The following B4GALNT1 variants were observed in gnomAD, a reference collection of about 807,000 sequenced individuals.
B4GALNT1 encodes beta-1,4 N-acetylgalactosaminyltransferase 1.
In B4GALNT1, 43 loss-of-function variants were observed where a neutral mutation model predicts 55.2. The ratio of observed to expected loss-of-function variants is 0.78; its 90% CI spans 0.61 to 1.00. B4GALNT1 has a LOEUF of 1.00. B4GALNT1 is among the 50% of genes least tolerant of loss of function. The pLI, the probability that B4GALNT1 is intolerant of heterozygous loss-of-function variation, is 0.00. For synonymous variants in B4GALNT1, 305 were observed against 311.6 expected (o/e 0.98, Z 0.22); for missense variants, 664 against 729.7 (o/e 0.91, Z 1.04).
Position 57,623,961 on chromosome 12 carries a change from T to A in B4GALNT1, c.*2783A>T. ...GCATGGCTGGGAGGGGTAGCTGTATTCCAGGACATCGAGGTAGTCAGCCCA... is the reference window on the plus strand; with the variant it reads ...GCATGGCTGGGAGGGGTAGCTGTATACCAGGACATCGAGGTAGTCAGCCCA... On this transcript the variant is annotated 3_prime_UTR_variant, in exon 11 of 11. Coordinates refer to ENST00000341156, the MANE Select transcript of B4GALNT1 (RefSeq NM_001478.5). The A allele has an allele frequency of 1.9e-6, 3 of 1,613,130 alleles. No homozygotes were observed. The highest frequency in any genetic ancestry group is 2.5e-6 in the Non-Finnish European group (3 of 1,179,460).
rs1175255172 is a variant in B4GALNT1 at position 57,631,235 on chromosome 12, G to C, written c.348C>G (p.Ala116=). Residue 116 remains alanine, a synonymous_variant, in exon 3 of 11, where the codon GCC becomes GCG. Coordinates refer to ENST00000341156, the MANE Select transcript of B4GALNT1 (RefSeq NM_001478.5). ...AGGCCTGGAACTCCTGCTCTCTTGT[G>C]GCAGAGGCAGCCCTCAGCTCTGCAG... The part of the protein sequence containing the change: ...FDPAELRAAS[A]TREQEFQAFL... 1 of 1,614,036 alleles carries C rather than the reference G, an allele frequency of 6.2e-7. No individual in the cohort carries two copies.
chr12:57,624,763 G>A lies in B4GALNT1; in HGVS notation c.*1981C>T, dbSNP rs761431749. ...CACTTGGACAGGCTGAGGGGACAGA[G>A]CTCTACAGACCACTCAGAGGAAGCC... On this transcript the variant is annotated 3_prime_UTR_variant, in exon 11 of 11. Coordinates refer to ENST00000341156, the MANE Select transcript of B4GALNT1 (RefSeq NM_001478.5). 2.3e-5 allele frequency: 24 copies of A among 1,042,654 alleles called. No homozygotes were observed. Among genetic ancestry groups the A allele is most frequent in the Non-Finnish European group, 3.6e-5 (24 of 658,980 alleles). The allele number at this position is 1,042,654 out of a possible 1,614,324, so 64.6% of individuals were successfully genotyped here.
At position 57,630,858 on chromosome 12, in the gene B4GALNT1, GT is replaced by G. The variant is rs1885156311; in HGVS notation, c.490+121del. 2.3e-5 allele frequency: 23 copies of G among 979,674 alleles called. No individual in the cohort carries two copies. The South Asian group carries it at 3.3e-4, about 14-fold the overall frequency. 60.7% of individuals were successfully genotyped at this position (979,674 alleles called of 1,614,324 possible). A position where few individuals can be genotyped will look rare whatever the true frequency, so the allele number is the denominator to read the frequency against. On this transcript the variant is annotated intron_variant, in intron 4 of 10. Coordinates refer to ENST00000341156, the MANE Select transcript of B4GALNT1 (RefSeq NM_001478.5). Reference sequence around the variant, plus strand: ...CTCCTAAGCCGCCGTTTGAGCTTAAGTCCCCCATTCATCAGAGGTTCCCACC... The same window carrying G: ...CTCCTAAGCCGCCGTTTGAGCTTAAGCCCCCATTCATCAGAGGTTCCCACC...
In B4GALNT1 at chr12:57,631,774, A is replaced by AGCCTCCCACTTCC. The variant is rs558937829; in HGVS notation, c.218+128_218+140dup. 1,154 of 892,612 alleles carry AGCCTCCCACTTCC rather than the reference A, an allele frequency of 1.3e-3. 4 individuals carry two copies. The highest frequency in any genetic ancestry group is 2.9e-3 in the South Asian group (100 of 34,012). 55.3% of individuals were successfully genotyped at this position (892,612 alleles called of 1,614,324 possible). On this transcript the variant is annotated intron_variant, in intron 2 of 10. Coordinates refer to ENST00000341156, the MANE Select transcript of B4GALNT1 (RefSeq NM_001478.5). ...GATTTTCCCCAGCCCAAGCCTCAGC[A>AGCCTCCCACTTCC]GCCTCCCACTTCCACCTCCCACTTC...
chr12:57,627,351 C>A (rs2140241623), intron 10 of B4GALNT1, among the ~76,000 whole-genome samples: 1 of 151,742 alleles, frequency 6.6e-6, no homozygotes, highest in African/African-American at 2.4e-5. Flanking sequence ...ATGTAACAAA[C>A]CTGCACGTTG....
At chr12:57,630,750 G>C (rs1443517668) in intron 4 of B4GALNT1, among the ~76,000 whole-genome samples, 1 of 152,182 alleles carries the variant, frequency 6.6e-6, no homozygotes. Flanking sequence ...TGGTTAGTCA[G>C]CAAAGAATAG....
In B4GALNT1 at chr12:57,626,497, C is replaced by A. The variant is rs561084915; in HGVS notation, c.*247G>T. 5.5e-6 allele frequency: 3 copies of A among 543,990 alleles called. No homozygotes were observed. The highest frequency in any genetic ancestry group is 6.3e-5 in the East Asian group (2 of 31,646). The allele number at this position is 543,990 out of a possible 1,614,324, so 33.7% of individuals were successfully genotyped here. The stretch of plus-strand genomic sequence containing the variant: ...CCATTTCCTGCCCCATGAGAATGGG[C>A]AGGGGGAGGACTTGGCACTGGCTGT... On this transcript the variant is annotated 3_prime_UTR_variant, in exon 11 of 11. Coordinates refer to ENST00000341156, the MANE Select transcript of B4GALNT1 (RefSeq NM_001478.5).
At chr12:57,630,899 T>A in intron 4 of B4GALNT1, 81 bp downstream of exon 4, 2 of 1,331,462 alleles carry the variant, frequency 1.5e-6, no homozygotes, top group Admixed American at 3.8e-5. Flanking sequence ...ATTCCAATCA[T>A]CTCCCATTCT....
At chr12:57,627,950 CT>C (rs1309014639) in intron 9 of B4GALNT1, 92 bp from the exon 10 acceptor site, 5 of 1,467,352 alleles carry the variant, frequency 3.4e-6, no homozygotes, top group Non-Finnish European at 2.7e-6. Context: ...GGGGGTACCC[CT>C]GCCCCATCCT....
Position 57,625,107 on chromosome 12 carries a change from C to T in B4GALNT1, c.*1637G>A, listed in dbSNP as rs747691651. ...GCTGTGTTTCGGGAGTGGTGACTGCCCTTCTTTACTTATAGGAGACTTCAA... is the reference window on the plus strand; with the variant it reads ...GCTGTGTTTCGGGAGTGGTGACTGCTCTTCTTTACTTATAGGAGACTTCAA... On this transcript the variant is annotated 3_prime_UTR_variant, in exon 11 of 11. Coordinates refer to ENST00000341156, the MANE Select transcript of B4GALNT1 (RefSeq NM_001478.5). 3 of 1,613,850 alleles carry T rather than the reference C, an allele frequency of 1.9e-6. No individual in the cohort carries two copies. Among genetic ancestry groups the T allele is most frequent in the Admixed American group, 1.7e-5 (1 of 59,988 alleles).
At position 57,625,279 on chromosome 12, in the gene B4GALNT1, C is replaced by T; in HGVS notation, c.*1465G>A. The T allele has an allele frequency of 6.2e-7, 1 of 1,614,114 alleles. No individual in the cohort carries two copies. The highest frequency in any genetic ancestry group is 8.5e-7 in the Non-Finnish European group (1 of 1,180,006). ...TGGTGGTCCTAGACTTCAGTGGTGT[C>T]ACCTTTGCAGATGCTGCTGGGGCCA... is the stretch of plus-strand genomic sequence containing the variant. On this transcript the variant is annotated 3_prime_UTR_variant, in exon 11 of 11. Coordinates refer to ENST00000341156, the MANE Select transcript of B4GALNT1 (RefSeq NM_001478.5).
At chr12:57,629,650 CAAG>C (rs1885068578) in intron 6 of B4GALNT1, 5 of 809,412 alleles carry the variant, frequency 6.2e-6, no homozygotes, top group Admixed American at 3.4e-5. Flanking sequence ...ATCTAAATGA[CAAG>C]AAGAAGCCAG....
chr12:57,627,601 G>A lies in B4GALNT1; in HGVS notation c.1384+17C>T, dbSNP rs772074159. ...TGGGGCTCCTGCCAGGGTCGACCGG[G>A]AGGGGGTGCCACTCACCCAGATGAG... On this transcript the variant is annotated intron_variant, in intron 10 of 10. Transcript: ENST00000341156. 2 of 1,568,792 alleles carry A rather than the reference G, an allele frequency of 1.3e-6. No individual in the cohort carries two copies. Among genetic ancestry groups the A allele is most frequent in the South Asian group, 2.3e-5 (2 of 85,442 alleles).
rs774565348 is a variant in B4GALNT1 at position 57,628,853 on chromosome 12, G to A, written c.862C>T (p.Arg288Cys). ...LVTIATKTFLRYDRLRALITS... is the reference protein window; with the variant it reads ...LVTIATKTFLCYDRLRALITS... Reference sequence around the variant, plus strand: ...ATGAGAGCCCGTAGCCGATCATAACGGAGGAAGGTCTTGGTGGCAATCGTG... The same window carrying A: ...ATGAGAGCCCGTAGCCGATCATAACAGAGGAAGGTCTTGGTGGCAATCGTG... The change falls in exon 8 of 11, where the codon CGT becomes TGT. Residue 288 changes from arginine (R) to cysteine (C), a missense_variant. Transcript: ENST00000341156. The A allele has an allele frequency of 1.2e-6, 2 of 1,614,218 alleles. No individual in the cohort carries two copies. The highest frequency in any genetic ancestry group is 1.3e-5 in the African/African-American group (1 of 75,050).
At chr12:57,632,286 G>A (rs1400756578) in intron 1 of B4GALNT1, 153 bp from the exon 2 acceptor site, 6 of 773,906 alleles carry the variant, frequency 7.8e-6, no homozygotes, top group Admixed American at 6.0e-5. Flanking sequence ...TGCCAGCCGC[G>A]GTTTTCCCGG....
rs1054716463 is a variant in B4GALNT1, at chr12:57,623,776, C to T, written c.*2968G>A. On this transcript the variant is annotated 3_prime_UTR_variant, in exon 11 of 11. Coordinates refer to ENST00000341156, the MANE Select transcript of B4GALNT1 (RefSeq NM_001478.5). The stretch of plus-strand genomic sequence containing the variant: ...TAGGCAGAGTGGGCAGGAAGACCAG[C>T]TCTCATGTGGGGGTGGGAGGCTCTC... 3 of 1,459,644 alleles carry T rather than the reference C, an allele frequency of 2.1e-6. No individual in the cohort carries two copies. The highest frequency in any genetic ancestry group is 2.8e-5 in the African/African-American group (2 of 70,938). 90.4% of individuals were successfully genotyped at this position (1,459,644 alleles called of 1,614,324 possible).
At chr12:57,631,167 CT>C (rs1885183578) in intron 3 of B4GALNT1, 32 bp downstream of exon 3, 1 of 1,613,858 alleles carries the variant, frequency 6.2e-7, no homozygotes. Flanking sequence ...TGCTCTCCCC[CT>C]GAGGAGTCAT....
At position 57,630,973 on chromosome 12, in the gene B4GALNT1, T is replaced by A. The variant is rs775254562; in HGVS notation, c.490+7A>T. 6.2e-7 allele frequency: 1 copy of A among 1,611,316 alleles called. No individual in the cohort carries two copies. The highest frequency in any genetic ancestry group is 1.1e-5 in the South Asian group (1 of 91,008). ...CTGAGGTCATCCTCTGGGACCCTCC[T>A]CCCTACCTGGCACCAAGATGCTCCT... On this transcript the variant is annotated splice_region_variant and intron_variant, in intron 4 of 10. Coordinates refer to ENST00000341156, the MANE Select transcript of B4GALNT1 (RefSeq NM_001478.5).
intron 1 of B4GALNT1, 123 bp downstream of exon 1, chr12:57,632,649 T>G (rs1435605939): frequency 5.2e-6 from 1 of 193,342 alleles, no homozygotes; most frequent in Non-Finnish European, 1.1e-5. Flanking sequence ...ACCCGATGAG[T>G]GGCCTCGGCA....
Sources: allele counts gnomAD v4.1 joint callset (sites outside exome capture counted in the v4.1 genomes callset), GRCh38; gene constraint gnomAD v4.1.1; transcripts MANE v1.5; gene names NCBI Gene and HGNC (gene_info 2026-07-23, HGNC 2026-07-21).